IGF2BP3: variants seen among roughly 807,000 people sequenced by gnomAD.
The protein encoded by IGF2BP3 is insulin-like growth factor 2 mRNA-binding protein 3.
A neutral mutation model predicts 73.8 loss-of-function variants in IGF2BP3; 9 were observed. The observed-to-expected ratio is 0.12, with a 90% confidence interval of 0.07 to 0.21. The LOEUF is 0.21. Among genes scored for constraint, IGF2BP3 ranks in the 10% least tolerant of loss-of-function variants. The probability of loss-of-function intolerance (pLI) is 1.00; values close to 1 mark genes in which losing one functional copy is unlikely to be tolerated. For missense variants in IGF2BP3, 542 were observed against 714.0 expected (o/e 0.76, Z 2.75); for synonymous variants, 258 against 256.7 (o/e 1.01, Z -0.05).
intron 3 of IGF2BP3, among the ~76,000 whole-genome samples, chr7:23,395,056 G>A (rs751094690): frequency 2.2e-4 from 33 of 152,194 alleles, no homozygotes; most frequent in Admixed American, 8.5e-4. Context: ...CCACCCTAAT[G>A]AGGCTGGCAT....
intron 2 of IGF2BP3, among the ~76,000 whole-genome samples, chr7:23,460,725 G>A (rs1233053466): frequency 6.6e-6 from 1 of 151,962 alleles, no homozygotes. Flanking sequence ...CGAGACAGGT[G>A]GATCACCTGA....
chr7:23,426,444 A>G (rs1482009257), intron 2 of IGF2BP3, among the ~76,000 whole-genome samples: 2 of 152,174 alleles, frequency 1.3e-5, no homozygotes, highest in Non-Finnish European at 2.9e-5. Context: ...ATTAAAAAAT[A>G]TCTTTCTTAA....
Position 23,469,946 on chromosome 7 carries a change from C to T in IGF2BP3, c.165G>A (p.Glu55=), listed in dbSNP as rs1788675918. 1.2e-6 allele frequency: 2 copies of T among 1,609,746 alleles called. No homozygotes were observed. The highest frequency in any genetic ancestry group is 2.2e-5 in the South Asian group (2 of 90,652). The change falls in exon 1 of 15, where the codon GAG becomes GAA. Residue 55 remains glutamate (E), a synonymous_variant. Transcript: ENST00000258729. This position sits in a 1 kb window ranked among gnomAD's most constrained non-coding sequence, Gnocchi z 6.1. ...CAGGCCCGGGCCCACCTGAAAGCGCCTCGATGGCCTTGAGGGCCCAGCTCT... is the reference window on the plus strand; with the variant it reads ...CAGGCCCGGGCCCACCTGAAAGCGCTTCGATGGCCTTGAGGGCCCAGCTCT... ...PDESWALKAI[E]ALSGKIELHG... is the part of the protein sequence containing the mutation.
chr7:23,395,219 C>G (rs181801537), intron 3 of IGF2BP3, among the ~76,000 whole-genome samples: 1 of 152,142 alleles, frequency 6.6e-6, no homozygotes, highest in Admixed American at 6.5e-5. Context: ...AAATAGAAAG[C>G]TGAGTATTAT....
At chr7:23,455,104 C>G (rs1455588815) in intron 2 of IGF2BP3, among the ~76,000 whole-genome samples, 1 of 152,186 alleles carries the variant, frequency 6.6e-6, no homozygotes, top group Non-Finnish European at 1.5e-5. Context: ...CCAAAATTAA[C>G]CTAGGCATCA....
At chr7:23,355,049 C>A (rs1218305630) in intron 5 of IGF2BP3, among the ~76,000 whole-genome samples, 2 of 152,116 alleles carry the variant, frequency 1.3e-5, no homozygotes, top group Non-Finnish European at 1.5e-5. Flanking sequence ...TGGTGATCTG[C>A]TGAGTTCACG....
At chr7:23,361,841 A>T (rs1219014112) in intron 3 of IGF2BP3, 100 bp from the exon 4 acceptor site, 17 of 1,021,148 alleles carry the variant, frequency 1.7e-5, no homozygotes, top group Non-Finnish European at 2.4e-5. Context: ...GTGATGGAAA[A>T]GAGCCAAAAA....
At chr7:23,362,052 C>T (rs144798732) in intron 3 of IGF2BP3, among the ~76,000 whole-genome samples, 1 of 152,182 alleles carries the variant, frequency 6.6e-6, no homozygotes, top group South Asian at 2.1e-4. Flanking sequence ...ATTTCTCATA[C>T]ATACACAAAC....
At chr7:23,376,459 G>A (rs971066836) in intron 3 of IGF2BP3, among the ~76,000 whole-genome samples, 9 of 149,670 alleles carry the variant, frequency 6.0e-5, no homozygotes, top group Non-Finnish European at 1.2e-4. Context: ...GGCTTGAACC[G>A]GGAAAGCAAA....
intron 5 of IGF2BP3, among the ~76,000 whole-genome samples, chr7:23,353,639 T>C (rs187129009): frequency 5.9e-5 from 9 of 152,290 alleles, no homozygotes; most frequent in Non-Finnish European, 4.4e-5. Context: ...AAAGCATAAT[T>C]GGGGTTGTGA....
intron 10 of IGF2BP3, among the ~76,000 whole-genome samples, chr7:23,333,119 A>G (rs769562800): frequency 6.6e-6 from 1 of 152,244 alleles, no homozygotes; most frequent in Non-Finnish European, 1.5e-5. Context: ...GTAAAGATAA[A>G]ACAAAGGAGG....
intron 12 of IGF2BP3, among the ~76,000 whole-genome samples, 198 bp from the exon 13 acceptor site, chr7:23,313,851 A>C (rs1432915626): frequency 1.3e-5 from 2 of 152,256 alleles, no homozygotes; most frequent in Non-Finnish European, 2.9e-5. Context: ...CCATCACAGT[A>C]GAGGCAACTG....
intron 10 of IGF2BP3, among the ~76,000 whole-genome samples, chr7:23,341,594 C>G (rs539067657): frequency 1.3e-5 from 2 of 152,008 alleles, no homozygotes; most frequent in Non-Finnish European, 2.9e-5. Flanking sequence ...CATTTGAACC[C>G]GGGAGGTGAA....
chr7:23,386,579 A>G (rs972384438), intron 3 of IGF2BP3, among the ~76,000 whole-genome samples: 2 of 152,228 alleles, frequency 1.3e-5, no homozygotes, highest in Non-Finnish European at 2.9e-5. Context: ...AATATCCACA[A>G]GCCAAATGAC....
intron 2 of IGF2BP3, among the ~76,000 whole-genome samples, chr7:23,459,783 A>G (rs1050685820): frequency 6.6e-6 from 1 of 152,018 alleles, no homozygotes; most frequent in Non-Finnish European, 1.5e-5. Context: ...GTGAGCTGAG[A>G]TCATACCATT....
intron 6 of IGF2BP3, among the ~76,000 whole-genome samples, chr7:23,350,329 A>C (rs530287596): frequency 4.6e-5 from 7 of 152,248 alleles, no homozygotes; most frequent in Non-Finnish European, 8.8e-5. Context: ...AAGGAAAAAT[A>C]ATCTTGCCAC....
chr7:23,408,643 T>C (rs1375717114), intron 3 of IGF2BP3, among the ~76,000 whole-genome samples: 3 of 152,206 alleles, frequency 2.0e-5, no homozygotes, highest in Non-Finnish European at 4.4e-5. Flanking sequence ...TCTTTTTCAC[T>C]GGTTTATTCA....
At chr7:23,318,988 G>C (rs1784064943) in intron 11 of IGF2BP3, 150 bp downstream of exon 11, 3 of 594,040 alleles carry the variant, frequency 5.1e-6, no homozygotes. Context: ...CCTCCTTGGT[G>C]TAAGCCACTG....
At chr7:23,437,559 G>C (rs1321664213) in intron 2 of IGF2BP3, among the ~76,000 whole-genome samples, 1 of 152,006 alleles carries the variant, frequency 6.6e-6, no homozygotes, top group African/African-American at 2.4e-5. Flanking sequence ...GAAATCCTTT[G>C]TTACATTAAG....
Sources: gnomAD v4.1 joint callset for allele counts (sites outside exome capture counted in the v4.1 genomes callset) on GRCh38, gnomAD v4.1.1 for gene constraint, Gnocchi (gnomAD v3.1) non-coding constraint, MANE v1.5 for transcripts, NCBI Gene and HGNC (gene_info 2026-07-23, HGNC 2026-07-21) for gene names.